Variants in ANXA2 observed in about 807,000 individuals in gnomAD.
The protein encoded by ANXA2 is annexin A2.
Under a neutral mutation model 47.3 loss-of-function variants are expected in ANXA2, and 28 were observed. That is an observed-to-expected ratio of 0.59 (90% CI 0.44 to 0.81). The LOEUF is 0.81. Ranked by LOEUF, ANXA2 falls within the 40% of genes least tolerant of loss-of-function variation. The pLI is 0.00. For missense variants in ANXA2, 384 were observed against 414.3 expected, an observed-to-expected ratio of 0.93 and a Z score of 0.64; for synonymous variants, 172 against 155.5, an observed-to-expected ratio of 1.11 and a Z score of -0.79.
At chr15:60,385,610 T>C (rs1369992477) in intron 2 of ANXA2, 1 of 154,902 alleles carries the variant, frequency 6.5e-6, no homozygotes, top group African/African-American at 2.4e-5. Flanking sequence ...TAAGTCTTCA[T>C]CTGGAATAAC....
Position 60,353,123 on chromosome 15 carries a change from G to A in ANXA2, c.589-647C>T, listed in dbSNP as rs78059359. ...TTCTCTACTACCTGCTAGAAGTGCCGTGTGGAATATATTGAATTTTAAAAC... is the reference window on the plus strand; with the variant it reads ...TTCTCTACTACCTGCTAGAAGTGCCATGTGGAATATATTGAATTTTAAAAC... On this transcript the variant is annotated intron_variant, in intron 8 of 12. Transcript: ENST00000451270. Among the ~76,000 whole-genome samples, 836 of 152,280 alleles carry A rather than the reference G, an allele frequency of 5.5e-3. 6 individuals are homozygous for A. The highest frequency in any genetic ancestry group is 0.018 in the African/African-American group (765 of 41,544).
chr15:60,354,257 A>G (rs2062391556), intron 7 of ANXA2, 44 bp from the exon 8 acceptor site: 4 of 1,496,460 alleles, frequency 2.7e-6, no homozygotes, highest in South Asian at 2.4e-5. Flanking sequence ...TTCTTTGTGT[A>G]TTTTAAAACT....
At chr15:60,367,118 T>G (rs1235860210) in intron 3 of ANXA2, among the ~76,000 whole-genome samples, 13 of 29,514 alleles carry the variant, frequency 4.4e-4, no homozygotes, top group South Asian at 3.3e-3. Flanking sequence ...GGGAGGGAGG[T>G]GGGGGGGTCA....
intron 3 of ANXA2, among the ~76,000 whole-genome samples, chr15:60,371,162 T>C (rs973789741): frequency 2.6e-5 from 4 of 152,164 alleles, no homozygotes; most frequent in African/African-American, 9.7e-5. Flanking sequence ...TGAACGAAAA[T>C]AGCCAACTAA....
chr15:60,367,156 C>T (rs1438106274), intron 3 of ANXA2, among the ~76,000 whole-genome samples: 2 of 81,930 alleles, frequency 2.4e-5, no homozygotes, highest in East Asian at 4.0e-4. Flanking sequence ...CCGCCCCGTC[C>T]GGGAGGGGGG....
intron 3 of ANXA2, among the ~76,000 whole-genome samples, chr15:60,372,662 A>G (rs2062725826): frequency 6.7e-6 from 1 of 148,528 alleles, no homozygotes; most frequent in Non-Finnish European, 1.5e-5. Context: ...TAGGACATTA[A>G]TGGTCTTGTA....
intron 3 of ANXA2, among the ~76,000 whole-genome samples, chr15:60,373,826 G>A (rs926450095): frequency 2.0e-5 from 3 of 152,198 alleles, no homozygotes; most frequent in African/African-American, 7.2e-5. Context: ...CAGCTTCTCT[G>A]TCACAAGCCT....
chr15:60,374,225 C>A (rs113664007), intron 3 of ANXA2, among the ~76,000 whole-genome samples: 4 of 152,290 alleles, frequency 2.6e-5, no homozygotes, highest in Non-Finnish European at 5.9e-5. Flanking sequence ...TAATCTAGAA[C>A]CTTGTCTGCC....
At chr15:60,394,279 G>A (rs1284416310) in intron 1 of ANXA2, among the ~76,000 whole-genome samples, 2 of 152,102 alleles carry the variant, frequency 1.3e-5, no homozygotes, top group African/African-American at 2.4e-5. Context: ...GGAGACAAAG[G>A]ACATGGACAA....
intron 3 of ANXA2, among the ~76,000 whole-genome samples, chr15:60,379,369 G>A (rs1286967614): frequency 2.0e-5 from 3 of 152,178 alleles, no homozygotes; most frequent in Non-Finnish European, 4.4e-5. Flanking sequence ...AAAGGAGATG[G>A]AGAATCTAAA....
At chr15:60,357,793 C>CA (rs924530763) in intron 5 of ANXA2, among the ~76,000 whole-genome samples, 1,786 of 122,810 alleles carry the variant, frequency 0.015, 40 homozygotes, top group African/African-American at 0.049. Flanking sequence ...GACCCCATCT[C>CA]AAAAAAAAAA....
intron 3 of ANXA2, among the ~76,000 whole-genome samples, chr15:60,373,741 GATA>G (rs1297181930): frequency 6.6e-6 from 1 of 152,198 alleles, no homozygotes; most frequent in Non-Finnish European, 1.5e-5. Flanking sequence ...CAGAGATAAT[GATA>G]ATACTTATTT....
At chr15:60,349,921 C>G (rs59379039) in intron 11 of ANXA2, among the ~76,000 whole-genome samples, 708 of 11,952 alleles carry the variant, frequency 0.059, 17 homozygotes, top group African/African-American at 0.11. Context: ...GGCAGGGAGG[C>G]AGGGGAAGGC....
intron 3 of ANXA2, among the ~76,000 whole-genome samples, chr15:60,369,823 C>A (rs568778285): frequency 2.9e-4 from 44 of 152,188 alleles, no homozygotes; most frequent in Non-Finnish European, 5.4e-4. Flanking sequence ...TCACTTCTAC[C>A]AACTGCTTTT....
Position 60,352,419 on chromosome 15 carries a change from T to C in ANXA2, c.646A>G (p.Ile216Val). ...KGTDVPKWISIMTERSVPHLQ... is the reference protein window; with the variant it reads ...KGTDVPKWISVMTERSVPHLQ... ...TGGGGCACGCTCCGCTCGGTCATGA[T>C]GCTGATCCACTTGGGAACATCAGTT... is the stretch of plus-strand genomic sequence containing the variant. Residue 216 changes from isoleucine (I) to valine (V), a missense_variant, in exon 9 of 13, where the codon ATC (isoleucine) becomes GTC (valine). Transcript: ENST00000451270. This position sits in a 1 kb window ranked among gnomAD's most constrained non-coding sequence, Gnocchi z 4.2. 1.2e-6 allele frequency: 2 copies of C among 1,613,898 alleles called. No homozygotes were observed. Among genetic ancestry groups the C allele is most frequent in the Non-Finnish European group, 1.7e-6 (2 of 1,179,856 alleles).
intron 5 of ANXA2, among the ~76,000 whole-genome samples, chr15:60,357,838 A>G (rs901973721): frequency 6.6e-6 from 1 of 152,116 alleles, no homozygotes; most frequent in Non-Finnish European, 1.5e-5. Context: ...GCAATAGAAT[A>G]TGCCAAAATA....
chr15:60,393,970 C>A (rs1224913548), intron 1 of ANXA2, among the ~76,000 whole-genome samples: 1 of 152,180 alleles, frequency 6.6e-6, no homozygotes, highest in African/African-American at 2.4e-5. Flanking sequence ...CTCCCTCAGA[C>A]TGGACATTTC....
In ANXA2 at chr15:60,397,203, C is replaced by T. The variant is rs1035633948; in HGVS notation, c.-12+740G>A. The T allele has an allele frequency of 9.9e-6, 9 of 910,966 alleles. No homozygotes were observed. The African/African-American group carries it at 1.6e-4, about 16-fold the overall frequency. 56.4% of individuals were successfully genotyped at this position (910,966 alleles called of 1,614,324 possible). On this transcript the variant is annotated intron_variant, in intron 1 of 12. Transcript: ENST00000451270. ...CTACTCTCAGTTCCTGACTCATTGT[C>T]ACATCATGGCGAGTAACAGGACAAC...
chr15:60,355,011 C>A (rs66868332), intron 7 of ANXA2, among the ~76,000 whole-genome samples: 2 of 152,008 alleles, frequency 1.3e-5, no homozygotes, highest in Admixed American at 6.5e-5. Flanking sequence ...TCAGATGCAG[C>A]TAGCCAAGCA....
Sources: gnomAD v4.1 joint callset for allele counts (sites outside exome capture counted in the v4.1 genomes callset) on GRCh38, gnomAD v4.1.1 for gene constraint, Gnocchi (gnomAD v3.1) non-coding constraint, MANE v1.5 for transcripts, NCBI Gene and HGNC (gene_info 2026-07-23, HGNC 2026-07-21) for gene names.